The following NPAS3 variants were observed in gnomAD, a reference collection of about 807,000 sequenced individuals.
NPAS3 encodes the protein neuronal PAS domain-containing protein 3.
NPAS3 carries 14 observed loss-of-function variants against 73.1 expected under a neutral mutation model. That is an observed-to-expected ratio of 0.19 (90% CI 0.13 to 0.30). The LOEUF (loss-of-function observed/expected upper bound fraction) is 0.30, where lower values mean the gene tolerates loss of function less well. Ranked by LOEUF, NPAS3 falls within the 10% of genes least tolerant of loss-of-function variation. The probability of loss-of-function intolerance (pLI) is 1.00; values close to 1 mark genes in which losing one functional copy is unlikely to be tolerated. For missense variants in NPAS3, 1,096 were observed against 1,250.0 expected, an observed-to-expected ratio of 0.88 and a Z score of 1.86; for synonymous variants, 620 against 541.5, an observed-to-expected ratio of 1.14 and a Z score of -2.01.
intron 4 of NPAS3, among the ~76,000 whole-genome samples, chr14:33,526,496 C>T (rs1462376087): frequency 4.0e-5 from 6 of 151,806 alleles, no homozygotes; most frequent in Non-Finnish European, 8.8e-5. Context: ...GTATACTGGG[C>T]TCTTACAGGC....
chr14:32,952,435 A>T (rs2036520277), intron 1 of NPAS3, among the ~76,000 whole-genome samples: 1 of 152,090 alleles, frequency 6.6e-6, no homozygotes, highest in Non-Finnish European at 1.5e-5. Context: ...TTGAATTTTT[A>T]AAATGAGCCT....
chr14:32,996,838 C>A (rs2038596392), intron 1 of NPAS3, among the ~76,000 whole-genome samples: 1 of 152,306 alleles, frequency 6.6e-6, no homozygotes, highest in Non-Finnish European at 1.5e-5. Context: ...GTCGGGGCTC[C>A]CACACAGAGT....
intron 9 of NPAS3, among the ~76,000 whole-genome samples, chr14:33,789,583 CT>C (rs10567527): frequency 0.02 from 1,839 of 92,324 alleles, 27 homozygotes; most frequent in African/African-American, 0.063. Flanking sequence ...TAGAGTACAA[CT>C]TTTTTTTTTT....
At chr14:33,619,888 T>C (rs1310190139) in intron 5 of NPAS3, among the ~76,000 whole-genome samples, 1 of 152,226 alleles carries the variant, frequency 6.6e-6, no homozygotes, top group African/African-American at 2.4e-5. Context: ...TTGTTTTCTG[T>C]GGTGATTTAT....
intron 4 of NPAS3, among the ~76,000 whole-genome samples, chr14:33,544,820 A>ATATATATATATATTATATATATATAT (rs11377851): frequency 1.0e-5 from 1 of 98,550 alleles, no homozygotes; most frequent in Admixed American, 1.1e-4. Context: ...ATGTATATAT[A>ATATATATATATATTATATATATATAT]ATATATATGT....
intron 2 of NPAS3, among the ~76,000 whole-genome samples, chr14:33,202,711 T>G (rs1210200616): frequency 6.6e-6 from 1 of 151,966 alleles, no homozygotes; most frequent in African/African-American, 2.4e-5. Flanking sequence ...TCATGTCTTT[T>G]TTTTTTTTGA....
intron 4 of NPAS3, among the ~76,000 whole-genome samples, chr14:33,526,691 T>C (rs2140142827): frequency 6.6e-6 from 1 of 151,920 alleles, no homozygotes; most frequent in Non-Finnish European, 1.5e-5. Flanking sequence ...ATATAGGAAA[T>C]AGCTTCATTT....
chr14:33,044,252 G>T (rs976260664), intron 1 of NPAS3, among the ~76,000 whole-genome samples: 1 of 152,078 alleles, frequency 6.6e-6, no homozygotes, highest in African/African-American at 2.4e-5. Context: ...GCTGATTGGG[G>T]GTAATTTATT....
At chr14:33,683,140 T>G (rs1441410493) in intron 6 of NPAS3, among the ~76,000 whole-genome samples, 1 of 152,176 alleles carries the variant, frequency 6.6e-6, no homozygotes, top group African/African-American at 2.4e-5. Context: ...TACAGTGATA[T>G]TTGCAGGGTA....
chr14:33,716,863 C>T (rs1270346577), intron 6 of NPAS3, among the ~76,000 whole-genome samples: 1 of 152,130 alleles, frequency 6.6e-6, no homozygotes, highest in African/African-American at 2.4e-5. Flanking sequence ...CCTCAGCTGC[C>T]ATCAACTGTG....
chr14:33,480,529 C>T (rs77621490), intron 4 of NPAS3, among the ~76,000 whole-genome samples: 1 of 129,412 alleles, frequency 7.7e-6, no homozygotes, highest in Non-Finnish European at 1.7e-5. Flanking sequence ...CACTCTCCCC[C>T]TCCCCGCCCC....
At chr14:33,599,856 A>C (rs1033424939) in intron 5 of NPAS3, among the ~76,000 whole-genome samples, 5 of 152,150 alleles carry the variant, frequency 3.3e-5, no homozygotes, top group Admixed American at 3.3e-4. Flanking sequence ...GGAGCAACAA[A>C]AGAAGGCCCT....
chr14:33,375,952 T>C (rs1372778159), intron 4 of NPAS3, among the ~76,000 whole-genome samples: 1 of 152,182 alleles, frequency 6.6e-6, no homozygotes, highest in Non-Finnish European at 1.5e-5. Context: ...TAAGCATCAC[T>C]CTGACCCTGG....
intron 6 of NPAS3, among the ~76,000 whole-genome samples, chr14:33,725,732 C>A (rs2061247122): frequency 1.3e-5 from 2 of 152,072 alleles, no homozygotes; most frequent in Admixed American, 1.3e-4. Context: ...GTCCTGGCTC[C>A]CATCTCTAGA....
At chr14:33,272,567 C>A (rs1463895619) in intron 3 of NPAS3, among the ~76,000 whole-genome samples, 2 of 152,046 alleles carry the variant, frequency 1.3e-5, no homozygotes, top group African/African-American at 2.4e-5. Flanking sequence ...CAGGTGTGCA[C>A]CACCATGCCC....
At position 33,486,924 on chromosome 14, in the gene NPAS3, T is replaced by C. The variant is rs147843576; in HGVS notation, c.469-73197T>C. Among the ~76,000 whole-genome samples, 104 of 152,340 alleles carry C rather than the reference T, an allele frequency of 6.8e-4. 1 individual carries two copies. Among genetic ancestry groups the C allele is most frequent in the African/African-American group, 2.3e-3 (96 of 41,590 alleles). ...ATTTTCAAGCCGCCTTGGCCTCCTA[T>C]TGGGAGCCTTCATGCTTGGTTTGTT... On this transcript the variant is annotated intron_variant, in intron 4 of 11. Coordinates refer to ENST00000356141, the Ensembl canonical transcript of NPAS3.
chr14:33,361,104 C>T (rs1046953221), intron 3 of NPAS3, among the ~76,000 whole-genome samples: 2 of 152,132 alleles, frequency 1.3e-5, no homozygotes, highest in Admixed American at 1.3e-4. Context: ...AAGGCCATTT[C>T]CTCCTTTCCC....
At chr14:33,596,873 A>G (rs1158599067) in intron 5 of NPAS3, among the ~76,000 whole-genome samples, 1 of 152,210 alleles carries the variant, frequency 6.6e-6, no homozygotes, top group Non-Finnish European at 1.5e-5. Context: ...CAGAAAATGA[A>G]ATGAAGAAAC....
At chr14:33,766,908 AC>A (rs2062481171) in intron 7 of NPAS3, among the ~76,000 whole-genome samples, 1 of 151,852 alleles carries the variant, frequency 6.6e-6, no homozygotes, top group African/African-American at 2.4e-5. Flanking sequence ...CAGTTGCTAA[AC>A]TCCCACTGTG....
Sources: allele counts gnomAD v4.1 joint callset (sites outside exome capture counted in the v4.1 genomes callset), GRCh38; gene constraint gnomAD v4.1.1; transcripts MANE v1.5; gene names NCBI Gene and HGNC (gene_info 2026-07-23, HGNC 2026-07-21).